SCAPER: variants seen among roughly 807,000 people sequenced by gnomAD.
SCAPER encodes S-phase cyclin A associated protein in the ER, also known as S phase cyclin A-associated protein in the endoplasmic reticulum.
Under a neutral mutation model 182.2 loss-of-function variants are expected in SCAPER, and 98 were observed. That is an observed-to-expected ratio of 0.54 (90% confidence interval 0.46 to 0.64). The LOEUF (loss-of-function observed/expected upper bound fraction) is 0.64, where lower values mean the gene tolerates loss of function less well. SCAPER is among the 30% of genes least tolerant of loss of function. The pLI is 0.00. For synonymous variants in SCAPER, 605 were observed against 564.6 expected (o/e 1.07, Z -1.01); for missense variants, 1,432 against 1,690.0 (o/e 0.85, Z 2.68).
At chr15:76,359,815 C>T in intron 29 of SCAPER, among the ~76,000 whole-genome samples, 1 of 152,182 alleles carries the variant, frequency 6.6e-6, no homozygotes, top group East Asian at 1.9e-4. Flanking sequence ...TCCTCCATTG[C>T]TCTGCTGGGG....
intron 23 of SCAPER, among the ~76,000 whole-genome samples, chr15:76,536,879 C>T (rs2044213779): frequency 6.6e-6 from 1 of 151,920 alleles, no homozygotes; most frequent in African/African-American, 2.4e-5. Context: ...TCTCAGGATA[C>T]AAAATCAATG....
chr15:76,858,840 A>G (rs767975708), intron 3 of SCAPER, among the ~76,000 whole-genome samples: 11 of 152,174 alleles, frequency 7.2e-5, no homozygotes, highest in Non-Finnish European at 1.3e-4. Flanking sequence ...CATGGTGTAT[A>G]TATGTACCAC....
At chr15:76,464,602 G>A (rs2049451680) in intron 25 of SCAPER, among the ~76,000 whole-genome samples, 1 of 152,064 alleles carries the variant, frequency 6.6e-6, no homozygotes, top group Non-Finnish European at 1.5e-5. Context: ...AACTTGTAGT[G>A]TTTAAGAGTC....
intron 29 of SCAPER, among the ~76,000 whole-genome samples, chr15:76,366,354 G>A (rs1242615245): frequency 6.6e-6 from 1 of 152,180 alleles, no homozygotes; most frequent in East Asian, 1.9e-4. Flanking sequence ...AGGTTTTCTG[G>A]TCATAACCTA....
At position 76,600,001 on chromosome 15, in the gene SCAPER, T is replaced by C. The variant is rs528756690; in HGVS notation, c.2711+21763A>G. On this transcript the variant is annotated intron_variant, in intron 22 of 31. Coordinates refer to ENST00000563290, the MANE Select transcript of SCAPER (RefSeq NM_020843.4). ...AAATACTGGAGGAGGAATATACTGA[T>C]GTATGCAATTTACTTTCATGCATCA... is the stretch of plus-strand genomic sequence containing the variant. Among the ~76,000 whole-genome samples the C allele has an allele frequency of 1.6e-5, 2 of 121,670 alleles. 1 individual carries two copies. The highest frequency in any genetic ancestry group is 4.4e-4 in the East Asian group (2 of 4,554). 79.8% of individuals were successfully genotyped at this position (121,670 alleles called of 152,430 possible). A position where few individuals can be genotyped will look rare whatever the true frequency, so the allele number is the denominator to read the frequency against.
intron 26 of SCAPER, among the ~76,000 whole-genome samples, chr15:76,433,536 T>C (rs2047001183): frequency 6.6e-6 from 1 of 152,044 alleles, no homozygotes; most frequent in African/African-American, 2.4e-5. Flanking sequence ...CAACCAAGAA[T>C]GATACCTGAG....
chr15:76,747,532 G>A (rs965353509), intron 15 of SCAPER, among the ~76,000 whole-genome samples: 2 of 151,936 alleles, frequency 1.3e-5, no homozygotes, highest in Admixed American at 6.6e-5. Flanking sequence ...ATCAATATGT[G>A]AAACACTAAT....
intron 22 of SCAPER, among the ~76,000 whole-genome samples, chr15:76,616,254 T>C (rs567488434): frequency 1.3e-5 from 2 of 152,310 alleles, no homozygotes; most frequent in East Asian, 3.9e-4. Context: ...GATTAATGGA[T>C]AAGCAACACA....
chr15:76,448,586 C>G (rs898009121), intron 25 of SCAPER, among the ~76,000 whole-genome samples: 1 of 152,012 alleles, frequency 6.6e-6, no homozygotes, highest in Non-Finnish European at 1.5e-5. Context: ...CAAACAAACA[C>G]AGAAACCCTG....
intron 21 of SCAPER, among the ~76,000 whole-genome samples, chr15:76,656,462 T>C (rs2055643095): frequency 6.6e-6 from 1 of 152,104 alleles, no homozygotes; most frequent in South Asian, 2.1e-4. Context: ...GAGACTTCAG[T>C]ACCCCACTGA....
intron 25 of SCAPER, among the ~76,000 whole-genome samples, chr15:76,463,672 A>G (rs1051380779): frequency 6.6e-6 from 1 of 152,204 alleles, no homozygotes; most frequent in African/African-American, 2.4e-5. Context: ...GCAATGAAAC[A>G]TCAAGAAATT....
At chr15:76,820,630 C>T (rs889810834) in intron 5 of SCAPER, among the ~76,000 whole-genome samples, 34 of 151,524 alleles carry the variant, frequency 2.2e-4, no homozygotes, top group African/African-American at 8.2e-4. Context: ...AGGAGATACA[C>T]CTAATGCTAA....
At chr15:76,494,759 T>C (rs550244401) in intron 24 of SCAPER, among the ~76,000 whole-genome samples, 1 of 152,058 alleles carries the variant, frequency 6.6e-6, no homozygotes, top group African/African-American at 2.4e-5. Context: ...TGATAAGATA[T>C]TCTATCTTAT....
intron 2 of SCAPER, among the ~76,000 whole-genome samples, chr15:76,867,112 T>C (rs1382148513): frequency 6.6e-6 from 1 of 152,222 alleles, no homozygotes; most frequent in Non-Finnish European, 1.5e-5. Context: ...TTCTCTTAGG[T>C]TTAAAATATC....
At chr15:76,848,292 G>T (rs1437299639) in intron 4 of SCAPER, among the ~76,000 whole-genome samples, 1 of 149,522 alleles carries the variant, frequency 6.7e-6, no homozygotes, top group Non-Finnish European at 1.5e-5. Flanking sequence ...GAGCCACCGC[G>T]CCTGGCCTAA....
chr15:76,843,609 A>C (rs976481039), intron 4 of SCAPER, among the ~76,000 whole-genome samples: 2 of 152,194 alleles, frequency 1.3e-5, no homozygotes, highest in African/African-American at 2.4e-5. Context: ...AATGTGCATA[A>C]ACTAATGGCA....
At chr15:76,881,922 A>T (rs1320790282) in intron 2 of SCAPER, among the ~76,000 whole-genome samples, 2 of 152,230 alleles carry the variant, frequency 1.3e-5, no homozygotes, top group Non-Finnish European at 2.9e-5. Context: ...GTTACCCACA[A>T]GGGAAGAAGA....
At chr15:76,698,267 T>C (rs1262704888) in intron 20 of SCAPER, among the ~76,000 whole-genome samples, 1 of 152,128 alleles carries the variant, frequency 6.6e-6, no homozygotes, top group Admixed American at 6.5e-5. Flanking sequence ...ACTCCCATGA[T>C]ACCTTCGAGC....
At chr15:76,488,396 C>T (rs1172291305) in intron 24 of SCAPER, among the ~76,000 whole-genome samples, 2 of 151,924 alleles carry the variant, frequency 1.3e-5, no homozygotes, top group Admixed American at 6.6e-5. Flanking sequence ...TTAACAGTAC[C>T]GCTACCAATA....
Sources: allele counts gnomAD v4.1 joint callset (sites outside exome capture counted in the v4.1 genomes callset), GRCh38; gene constraint gnomAD v4.1.1; transcripts MANE v1.5; gene names NCBI Gene and HGNC (gene_info 2026-07-23, HGNC 2026-07-21).